LRRK1: variants seen among roughly 807,000 people sequenced by gnomAD.
LRRK1 encodes the protein leucine-rich repeat serine/threonine-protein kinase 1.
Under a neutral mutation model 209.1 loss-of-function variants are expected in LRRK1, and 113 were observed. The ratio of observed to expected loss-of-function variants is 0.54; its 90% confidence interval spans 0.46 to 0.63. The LOEUF (loss-of-function observed/expected upper bound fraction) is 0.63, where lower values mean the gene tolerates loss of function less well. Among genes scored for constraint, LRRK1 ranks in the 30% least tolerant of loss-of-function variants. LRRK1 has a pLI of 0.00. For missense variants in LRRK1, 2,284 were observed against 2,632.2 expected (o/e 0.87, Z 2.89); for synonymous variants, 1,144 against 1,099.7 (o/e 1.04, Z -0.80).
At chr15:100,922,296 A>T (rs1172192674) in intron 1 of LRRK1, among the ~76,000 whole-genome samples, 1 of 152,242 alleles carries the variant, frequency 6.6e-6, no homozygotes, top group Non-Finnish European at 1.5e-5. Context: ...TCTACCTTAG[A>T]ATATAAGCCA....
intron 12 of LRRK1, 108 bp downstream of exon 12, chr15:101,015,510 G>A: frequency 1.3e-6 from 1 of 745,946 alleles, no homozygotes. Context: ...CCCCTTCAAT[G>A]CCCTGTTGCA....
At chr15:100,958,275 G>T (rs1596198181) in intron 2 of LRRK1, among the ~76,000 whole-genome samples, 1 of 152,214 alleles carries the variant, frequency 6.6e-6, no homozygotes, top group East Asian at 1.9e-4. Flanking sequence ...GTAAACAATT[G>T]GGGCCCTTCA....
intron 2 of LRRK1, among the ~76,000 whole-genome samples, chr15:100,943,599 C>A (rs1596177114): frequency 6.7e-6 from 1 of 149,558 alleles, no homozygotes. Context: ...GATAATGTCC[C>A]TTTTTACTTG....
intron 6 of LRRK1, among the ~76,000 whole-genome samples, chr15:101,004,643 T>C (rs930697732): frequency 2.0e-5 from 3 of 152,152 alleles, no homozygotes; most frequent in African/African-American, 7.2e-5. Flanking sequence ...ATACAAAGTG[T>C]CTCAAGCTGA....
chr15:100,966,389 T>G (rs1236030448), intron 2 of LRRK1, among the ~76,000 whole-genome samples: 2 of 152,234 alleles, frequency 1.3e-5, no homozygotes, highest in Non-Finnish European at 2.9e-5. Flanking sequence ...TTCATTACTT[T>G]TGTAGTGTCT....
intron 21 of LRRK1, 115 bp downstream of exon 21, chr15:101,046,267 G>A: frequency 8.6e-7 from 1 of 1,159,440 alleles, no homozygotes; most frequent in Non-Finnish European, 1.2e-6. Context: ...CCTTCTCCTA[G>A]AGCCATGCCA....
chr15:100,932,435 A>G (rs1052726288), intron 2 of LRRK1, among the ~76,000 whole-genome samples: 6 of 152,220 alleles, frequency 3.9e-5, no homozygotes, highest in African/African-American at 1.4e-4. Flanking sequence ...TATGCACCAC[A>G]TCTGGTGTGA....
chr15:100,929,896 A>G (rs1399241213), intron 2 of LRRK1, among the ~76,000 whole-genome samples: 1 of 152,230 alleles, frequency 6.6e-6, no homozygotes, highest in Non-Finnish European at 1.5e-5. Flanking sequence ...GTGGCAGGCG[A>G]GGTGGCTGTG....
chr15:100,974,683 T>C (rs910474886), intron 3 of LRRK1, among the ~76,000 whole-genome samples: 1 of 152,246 alleles, frequency 6.6e-6, no homozygotes, highest in African/African-American at 2.4e-5. Context: ...TTGAATGTTT[T>C]TGCCTCATTC....
Position 100,956,455 on chromosome 15 carries a change from C to CTTTTTCTTTTCTTTTTTTTTTTT in LRRK1, c.98-17344_98-17343insCTTTTCTTTTTTTTTTTTTTTTT. On this transcript the variant is annotated intron_variant, in intron 2 of 33. Transcript: ENST00000388948. ...TTCGCTTTTCTTTCCTTTTTTTTTT[C>CTTTTTCTTTTCTTTTTTTTTTTT]TTTTTTTTTTTTTTTTTTGAGACAG... Among the ~76,000 whole-genome samples the CTTTTTCTTTTCTTTTTTTTTTTT allele has an allele frequency of 1.4e-3, 85 of 60,516 alleles. 6 individuals carry two copies. Among genetic ancestry groups the CTTTTTCTTTTCTTTTTTTTTTTT allele is most frequent in the African/African-American group, 3.2e-3 (37 of 11,730 alleles). The allele number at this position is 60,516 out of a possible 152,430, so 39.7% of individuals were successfully genotyped here.
intron 6 of LRRK1, among the ~76,000 whole-genome samples, chr15:101,002,592 T>G (rs755854005): frequency 6.6e-6 from 1 of 152,230 alleles, no homozygotes; most frequent in Non-Finnish European, 1.5e-5. Context: ...GATAGGATTA[T>G]ATAATTGCTG....
chr15:101,063,649 C>T (rs2036329158), intron 31 of LRRK1, among the ~76,000 whole-genome samples: 1 of 149,090 alleles, frequency 6.7e-6, no homozygotes, highest in Admixed American at 6.8e-5. Flanking sequence ...TGTCATCATC[C>T]AATTCCAGTT....
chr15:100,990,312 T>C (rs1310271336), intron 6 of LRRK1, among the ~76,000 whole-genome samples: 1 of 152,182 alleles, frequency 6.6e-6, no homozygotes, highest in African/African-American at 2.4e-5. Context: ...ATAGCTCTCC[T>C]GCTATTGGTG....
chr15:101,052,913 G>C lies in LRRK1; in HGVS notation c.3690-9G>C, dbSNP rs371828768. On this transcript the variant is annotated splice_polypyrimidine_tract_variant and intron_variant, in intron 24 of 33. Coordinates refer to ENST00000388948, the MANE Select transcript of LRRK1 (RefSeq NM_024652.6). ...GGGGGATGTGGCTGATGCCGGGCGT[G>C]TGTGGCAGGCTCTTCCTGGAGAACA... 108 of 1,601,496 alleles carry C rather than the reference G, an allele frequency of 6.7e-5. No homozygotes were observed. Among genetic ancestry groups the C allele is most frequent in the Non-Finnish European group, 8.5e-5 (100 of 1,170,498 alleles).
At chr15:101,016,794 C>T (rs1335946367) in intron 12 of LRRK1, among the ~76,000 whole-genome samples, 3 of 152,180 alleles carry the variant, frequency 2.0e-5, no homozygotes, top group Non-Finnish European at 4.4e-5. Context: ...TGGTATCTTG[C>T]AAAGCCCACA....
chr15:101,019,195 A>G (rs2033671497), intron 12 of LRRK1, among the ~76,000 whole-genome samples: 1 of 152,196 alleles, frequency 6.6e-6, no homozygotes, highest in African/African-American at 2.4e-5. Context: ...TCATTATTCC[A>G]GCCATCTCTT....
chr15:101,010,021 T>C (rs2033157451), intron 7 of LRRK1, among the ~76,000 whole-genome samples: 1 of 152,212 alleles, frequency 6.6e-6, no homozygotes, highest in Admixed American at 6.5e-5. Context: ...CATTAATCCA[T>C]GGGACTCCCA....
At chr15:101,062,140 T>TC (rs2036221652) in intron 30 of LRRK1, among the ~76,000 whole-genome samples, 1 of 152,130 alleles carries the variant, frequency 6.6e-6, no homozygotes, top group Non-Finnish European at 1.5e-5. Flanking sequence ...AAGCGTGCTG[T>TC]TGCATGGGAA....
chr15:101,065,467 C>A lies in LRRK1; in HGVS notation c.5030C>A (p.Ser1677Tyr). The change falls in exon 32 of 34, where the codon TCC becomes TAC. Residue 1677 changes from serine to tyrosine, a missense_variant. Coordinates refer to ENST00000388948, the MANE Select transcript of LRRK1 (RefSeq NM_024652.6). ...CTGTGCTCACACACAGCCAACAGGT[C>A]CAAGTTCAGCATCGCGGATGAAGAC... ...SYLCSHTANR[S>Y]KFSIADEDAR... 1 of 1,614,238 alleles carries A rather than the reference C, an allele frequency of 6.2e-7. No homozygotes were observed. The highest frequency in any genetic ancestry group is 8.5e-7 in the Non-Finnish European group (1 of 1,180,050).
Sources: allele counts gnomAD v4.1 joint callset (sites outside exome capture counted in the v4.1 genomes callset), GRCh38; gene constraint gnomAD v4.1.1; transcripts MANE v1.5; gene names NCBI Gene and HGNC (gene_info 2026-07-23, HGNC 2026-07-21).